Variants in GHR observed in about 807,000 individuals in gnomAD.
GHR encodes the protein GH receptor.
Under a neutral mutation model 67.1 loss-of-function variants are expected in GHR, and 35 were observed. The observed-to-expected ratio is 0.52, with a 90% CI of 0.40 to 0.69. The LOEUF is 0.69. Ranked by LOEUF, GHR falls within the 30% of genes least tolerant of loss-of-function variation. GHR has a pLI of 0.00. For synonymous variants in GHR, 272 were observed against 269.1 expected (o/e 1.01, Z -0.10); for missense variants, 792 against 764.6 (o/e 1.04, Z -0.42).
intron 3 of GHR, among the ~76,000 whole-genome samples, chr5:42,645,187 A>G (rs1238909016): frequency 6.6e-6 from 1 of 152,232 alleles, no homozygotes; most frequent in Non-Finnish European, 1.5e-5. Flanking sequence ...TTCCAGTGGC[A>G]AGGAAAAATA....
chr5:42,633,568 C>G (rs1754028751), intron 3 of GHR, among the ~76,000 whole-genome samples: 2 of 152,070 alleles, frequency 1.3e-5, no homozygotes, highest in South Asian at 2.1e-4. Flanking sequence ...ATTTTTCTTC[C>G]TATCTCCTAT....
At chr5:42,688,797 A>G (rs1757279932) in intron 3 of GHR, 93 bp from the exon 4 acceptor site, 1 of 1,151,316 alleles carries the variant, frequency 8.7e-7, no homozygotes, top group Non-Finnish European at 1.3e-6. Flanking sequence ...GCTTCATCCC[A>G]GTAGTTTCTT....
At chr5:42,663,401 C>T (rs1401898815) in intron 3 of GHR, among the ~76,000 whole-genome samples, 1 of 152,218 alleles carries the variant, frequency 6.6e-6, no homozygotes, top group African/African-American at 2.4e-5. Flanking sequence ...CCACCATGAT[C>T]AAGTGGGCTT....
At chr5:42,538,037 T>C (rs1748339014) in intron 1 of GHR, among the ~76,000 whole-genome samples, 1 of 152,160 alleles carries the variant, frequency 6.6e-6, no homozygotes, top group Non-Finnish European at 1.5e-5. Flanking sequence ...TTACTTTAAG[T>C]TTATGTGAGT....
Position 42,433,234 on chromosome 5 carries a change from G to C in GHR, c.-12+9279G>C, listed in dbSNP as rs953916765. 2.0e-5 allele frequency among the ~76,000 whole-genome samples: 3 copies of C among 151,658 alleles called. No individual in the cohort carries two copies. In the East Asian group the frequency reaches 5.8e-4, roughly 29 times the overall value. On this transcript the variant is annotated intron_variant, in intron 1 of 9. Transcript: ENST00000230882. The stretch of plus-strand genomic sequence containing the variant: ...GGAGCATGACATTTTAATTCTCTTT[G>C]CTTTTGTCCTACAAAGTTTAGTGTT...
At chr5:42,606,098 G>T (rs1752618582) in intron 2 of GHR, among the ~76,000 whole-genome samples, 1 of 152,146 alleles carries the variant, frequency 6.6e-6, no homozygotes, top group African/African-American at 2.4e-5. Flanking sequence ...TGATTTCAGA[G>T]CCAGTCTCTC....
intron 2 of GHR, among the ~76,000 whole-genome samples, chr5:42,569,221 T>C (rs1750125161): frequency 6.6e-6 from 1 of 152,232 alleles, no homozygotes. Flanking sequence ...ATGAGATGTC[T>C]ATGGACAACA....
intron 1 of GHR, among the ~76,000 whole-genome samples, chr5:42,490,270 A>G (rs1746058663): frequency 6.6e-6 from 1 of 152,236 alleles, no homozygotes; most frequent in Admixed American, 6.5e-5. Flanking sequence ...TAATGGGATC[A>G]CTAAATTCTG....
rs1019351024 is a variant in GHR, at chr5:42,477,103, A to G, written c.-12+53148A>G. Among the ~76,000 whole-genome samples the G allele has an allele frequency of 9.4e-5, 13 of 137,938 alleles. No individual in the cohort carries two copies. In the East Asian group the frequency reaches 2.0e-3, roughly 21 times the overall value. The allele number at this position is 137,938 out of a possible 152,430, so 90.5% of individuals were successfully genotyped here. The stretch of plus-strand genomic sequence containing the variant: ...TGTGTCCATGTGTTCTCATTGTTCA[A>G]TTCCCACCTATGAGTGAGAACATGC... On this transcript the variant is annotated intron_variant, in intron 1 of 9. Transcript: ENST00000230882.
At chr5:42,474,342 G>GAAAGAAAGAAAGA (rs1345109121) in intron 1 of GHR, among the ~76,000 whole-genome samples, 1 of 127,646 alleles carries the variant, frequency 7.8e-6, no homozygotes, top group Non-Finnish European at 1.8e-5. Flanking sequence ...AGAAAGAAAA[G>GAAAGAAAGAAAGA]AAATAAAGAA....
chr5:42,713,351 G>A (rs1758563760), intron 7 of GHR, 78 bp from the exon 8 acceptor site: 1 of 748,098 alleles, frequency 1.3e-6, no homozygotes, highest in Non-Finnish European at 2.4e-6. Flanking sequence ...TGAATTTTTT[G>A]TGAAAAGGGA....
intron 2 of GHR, among the ~76,000 whole-genome samples, chr5:42,613,772 G>T (rs1197009279): frequency 6.6e-6 from 1 of 152,000 alleles, no homozygotes; most frequent in African/African-American, 2.4e-5. Flanking sequence ...CTGGGTATGG[G>T]GAATAGGGAA....
rs145543846 is a variant in GHR, at chr5:42,700,296, G to T, written c.618+294G>T. On this transcript the variant is annotated intron_variant, in intron 6 of 9. Coordinates refer to ENST00000230882, the MANE Select transcript of GHR (RefSeq NM_000163.5). Reference sequence around the variant, plus strand: ...AAAATTATAGACTGGCCACTTAGCTGTCTTTGGGGATGTGGATAAAAATGG... The same window carrying T: ...AAAATTATAGACTGGCCACTTAGCTTTCTTTGGGGATGTGGATAAAAATGG... 3.9e-3 allele frequency among the ~76,000 whole-genome samples: 594 copies of T among 152,262 alleles called. 2 individuals carry two copies. Among genetic ancestry groups the T allele is most frequent in the African/African-American group, 0.013 (556 of 41,552 alleles).
At position 42,719,373 on chromosome 5, in the gene GHR, C is replaced by G. The variant is rs772856718; in HGVS notation, c.1866C>G (p.Leu622=). The change falls in exon 10 of 10, where the codon CTC becomes CTG. Residue 622 remains leucine (L), a synonymous_variant. Coordinates refer to ENST00000230882, the MANE Select transcript of GHR (RefSeq NM_000163.5). ...TALPLPDKEF[L]SSCGYVSTDQ... The stretch of plus-strand genomic sequence containing the variant: ...TGCCCTTGCCTGACAAAGAGTTTCT[C>G]TCATCATGTGGCTATGTGAGCACAG... 5.6e-6 allele frequency: 9 copies of G among 1,613,928 alleles called. No homozygotes were observed. The Admixed American group carries it at 1.5e-4, about 27-fold the overall frequency.
At chr5:42,504,928 G>A (rs2112243523) in intron 1 of GHR, among the ~76,000 whole-genome samples, 1 of 152,260 alleles carries the variant, frequency 6.6e-6, no homozygotes, top group South Asian at 2.1e-4. Flanking sequence ...AAAGAAGAGA[G>A]GCATCAGCTA....
chr5:42,678,938 T>G, intron 3 of GHR, among the ~76,000 whole-genome samples: 1 of 148,520 alleles, frequency 6.7e-6, no homozygotes. Context: ...ATTTAAAATA[T>G]ATTTATATAT....
chr5:42,600,888 G>A (rs1268676286), intron 2 of GHR, among the ~76,000 whole-genome samples: 2 of 140,292 alleles, frequency 1.4e-5, no homozygotes, highest in Non-Finnish European at 3.1e-5. Context: ...ACCGTTCTGT[G>A]TCCAGAAATT....
In GHR at chr5:42,575,745, G is replaced by T. The variant is rs1579972188; in HGVS notation, c.70+9801G>T. On this transcript the variant is annotated intron_variant, in intron 2 of 9. Coordinates refer to ENST00000230882, the MANE Select transcript of GHR (RefSeq NM_000163.5). ...AAGCCTGCATGTAAAAAAAAAAAAG[G>T]TAAAGAGGGGCTGGGCGCGATGGCT... Among the ~76,000 whole-genome samples the T allele has an allele frequency of 3.3e-5, 5 of 151,546 alleles. No homozygotes were observed. The South Asian group carries it at 8.3e-4, about 25-fold the overall frequency.
At chr5:42,529,313 A>T (rs1044805723) in intron 1 of GHR, among the ~76,000 whole-genome samples, 1 of 152,124 alleles carries the variant, frequency 6.6e-6, no homozygotes, top group Non-Finnish European at 1.5e-5. Flanking sequence ...GCCTGGCCAG[A>T]CATAACTTTT....
Sources: allele counts gnomAD v4.1 joint callset (sites outside exome capture counted in the v4.1 genomes callset), GRCh38; gene constraint gnomAD v4.1.1; transcripts MANE v1.5; gene names NCBI Gene and HGNC (gene_info 2026-07-23, HGNC 2026-07-21).